The following CACNA1C variants were observed in gnomAD, a reference collection of about 807,000 sequenced individuals.
The protein encoded by CACNA1C is voltage-dependent L-type calcium channel subunit alpha-1C.
In CACNA1C, 30 loss-of-function variants were observed where a neutral mutation model predicts 229.0. That is an observed-to-expected ratio of 0.13 (90% confidence interval 0.10 to 0.18). The LOEUF is 0.18. Ranked by LOEUF, CACNA1C falls within the 10% of genes least tolerant of loss-of-function variation. The pLI, the probability that CACNA1C is intolerant of heterozygous loss-of-function variation, is 1.00. For missense variants in CACNA1C, 1,658 were observed against 2,845.0 expected (o/e 0.58, Z 9.49); for synonymous variants, 1,114 against 1,132.5 (o/e 0.98, Z 0.33).
intron 3 of CACNA1C, among the ~76,000 whole-genome samples, chr12:2,327,325 G>T (rs149821129): frequency 3.3e-5 from 5 of 152,196 alleles, no homozygotes; most frequent in Admixed American, 6.5e-5. Context: ...CAGATCTTAC[G>T]AAATGAAACA....
chr12:2,124,231 A>G (rs2088816995), intron 3 of CACNA1C, among the ~76,000 whole-genome samples: 1 of 152,162 alleles, frequency 6.6e-6, no homozygotes, highest in South Asian at 2.1e-4. Context: ...GTTGTTTCAA[A>G]TAGTGAAAGG....
chr12:2,017,361 A>G (rs1418225287), intron 1 of CACNA1C, among the ~76,000 whole-genome samples: 1 of 152,192 alleles, frequency 6.6e-6, no homozygotes, highest in African/African-American at 2.4e-5. Flanking sequence ...TTCCGTTAGT[A>G]CTTTTTAGCT....
At chr12:2,153,649 GC>G (rs1162115318) in intron 3 of CACNA1C, among the ~76,000 whole-genome samples, 2 of 152,182 alleles carry the variant, frequency 1.3e-5, no homozygotes, top group African/African-American at 4.8e-5. Context: ...GAAGGACAGG[GC>G]CGTGTTGACA....
intron 1 of CACNA1C, among the ~76,000 whole-genome samples, chr12:1,976,503 T>C (rs1189471451): frequency 6.6e-6 from 1 of 152,146 alleles, no homozygotes; most frequent in Admixed American, 6.5e-5. Context: ...AAATATGAAA[T>C]GTCAAATTCC....
intron 3 of CACNA1C, among the ~76,000 whole-genome samples, chr12:2,255,724 A>T (rs1204701316): frequency 6.6e-6 from 1 of 152,258 alleles, no homozygotes; most frequent in Non-Finnish European, 1.5e-5. Context: ...TGGACAGATA[A>T]TAAGCTTTAT....
chr12:2,144,719 G>C (rs1375413693), intron 3 of CACNA1C, among the ~76,000 whole-genome samples: 1 of 151,380 alleles, frequency 6.6e-6, no homozygotes, highest in Non-Finnish European at 1.5e-5. Context: ...GTCTCATGAA[G>C]ATGACATTTG....
chr12:2,350,497 G>A (rs1593665642), intron 3 of CACNA1C, among the ~76,000 whole-genome samples: 1 of 152,294 alleles, frequency 6.6e-6, no homozygotes, highest in Non-Finnish European at 1.5e-5. Flanking sequence ...TCATCTCTAA[G>A]CCTTTTAAGT....
At chr12:2,088,604 T>A (rs1332528776) in intron 1 of CACNA1C, among the ~76,000 whole-genome samples, 1 of 152,164 alleles carries the variant, frequency 6.6e-6, no homozygotes, top group Non-Finnish European at 1.5e-5. Context: ...TCTGCAAGTA[T>A]TAACTCTTAT....
intron 3 of CACNA1C, among the ~76,000 whole-genome samples, chr12:2,356,212 G>T (rs1246565851): frequency 6.6e-6 from 1 of 152,240 alleles, no homozygotes; most frequent in Non-Finnish European, 1.5e-5. Context: ...AGGGATGAGA[G>T]TGAAAATTGA....
intron 3 of CACNA1C, among the ~76,000 whole-genome samples, chr12:2,363,830 T>C (rs1399434489): frequency 6.6e-6 from 1 of 152,212 alleles, no homozygotes; most frequent in East Asian, 1.9e-4. Context: ...CTGCTTCTTC[T>C]TGGACCTGTC....
intron 3 of CACNA1C, among the ~76,000 whole-genome samples, chr12:2,322,413 C>T (rs2096053525): frequency 6.6e-6 from 1 of 152,230 alleles, no homozygotes; most frequent in Non-Finnish European, 1.5e-5. Flanking sequence ...ATTCCTGCCA[C>T]CGTGGGAGAC....
chr12:2,113,615 A>T (rs2082622393), intron 1 of CACNA1C, among the ~76,000 whole-genome samples: 1 of 152,196 alleles, frequency 6.6e-6, no homozygotes, highest in African/African-American at 2.4e-5. Context: ...GTCTCTGGGC[A>T]GCTGAAGTGT....
At chr12:2,667,279 A>ACTCTGTGCTCCTTTTCTCCCTCCT (rs1569148497) in intron 37 of CACNA1C, among the ~76,000 whole-genome samples, 2,604 of 151,700 alleles carry the variant, frequency 0.017, 103 homozygotes, top group African/African-American at 0.059. Context: ...CACCATGGCC[A>ACTCTGTGCTCCTTTTCTCCCTCCT]CTCCACGCTC....
rs376244373 is a variant in CACNA1C at position 2,338,351 on chromosome 12, G to A, written c.478-110625G>A. Among the ~76,000 whole-genome samples, 275 of 152,270 alleles carry A rather than the reference G, an allele frequency of 1.8e-3. 2 individuals carry two copies. Among genetic ancestry groups the A allele is most frequent in the African/African-American group, 6.2e-3 (256 of 41,548 alleles). ...AGTCCATAGCAAGAAGAGACCCCAG[G>A]GTGGGCGCCTTGTGCACAAGGGTCT... On this transcript the variant is annotated intron_variant, in intron 3 of 46. Coordinates refer to ENST00000399655, the MANE Select transcript of CACNA1C (RefSeq NM_000719.7).
Position 2,470,919 on chromosome 12 carries a change from C to G in CACNA1C, c.757+13213C>G, listed in dbSNP as rs1447765930. Among the ~76,000 whole-genome samples, 4 of 151,838 alleles carry G rather than the reference C, an allele frequency of 2.6e-5. No homozygotes were observed. The South Asian group carries it at 6.2e-4, about 24-fold the overall frequency. The stretch of plus-strand genomic sequence containing the variant: ...AAGATCTCGGCTCACTGCAACCACC[C>G]CCTCCCGGGTTCAAATGATTCTCGT... On this transcript the variant is annotated intron_variant, in intron 5 of 46. Transcript: ENST00000399655.
chr12:2,038,587 A>C (rs2049543274), intron 1 of CACNA1C, among the ~76,000 whole-genome samples: 1 of 152,192 alleles, frequency 6.6e-6, no homozygotes, highest in Non-Finnish European at 1.5e-5. Context: ...ATTTTAGGAG[A>C]GTTTTTGATA....
At chr12:2,262,483 G>C (rs1405659408) in intron 3 of CACNA1C, among the ~76,000 whole-genome samples, 1 of 152,200 alleles carries the variant, frequency 6.6e-6, no homozygotes, top group East Asian at 1.9e-4. Flanking sequence ...AGTCTTCCCT[G>C]TGGCCAAGAC....
At chr12:2,300,804 C>T (rs1592114734) in intron 3 of CACNA1C, among the ~76,000 whole-genome samples, 1 of 152,198 alleles carries the variant, frequency 6.6e-6, no homozygotes, top group South Asian at 2.1e-4. Flanking sequence ...AGGATGGCAA[C>T]ACAATGAGCC....
intron 1 of CACNA1C, among the ~76,000 whole-genome samples, chr12:2,078,498 C>G (rs7305765): frequency 0.47 from 71,475 of 152,056 alleles, 18,541 homozygotes; most frequent in Middle Eastern, 0.62. Context: ...ATGAATACTG[C>G]ATGATCCTAT....
Sources: gnomAD v4.1 joint callset for allele counts (sites outside exome capture counted in the v4.1 genomes callset) on GRCh38, gnomAD v4.1.1 for gene constraint, MANE v1.5 for transcripts, NCBI Gene and HGNC (gene_info 2026-07-23, HGNC 2026-07-21) for gene names.